The following ARHGAP44 variants were observed in gnomAD, a reference collection of about 807,000 sequenced individuals.
The protein encoded by ARHGAP44 is Rho GTPase activating protein 44.
In ARHGAP44, 43 loss-of-function variants were observed where a neutral mutation model predicts 106.8. That is an observed-to-expected ratio of 0.40 (90% confidence interval 0.32 to 0.52). The LOEUF (loss-of-function observed/expected upper bound fraction) is 0.52, where lower values mean the gene tolerates loss of function less well. ARHGAP44 is among the 20% of genes least tolerant of loss of function. The pLI is 0.48. For missense variants in ARHGAP44, 866 were observed against 1,050.5 expected, an observed-to-expected ratio of 0.82 and a Z score of 2.43; for synonymous variants, 439 against 410.3, an observed-to-expected ratio of 1.07 and a Z score of -0.85.
chr17:12,896,065 G>A (rs1446892908), intron 2 of ARHGAP44, among the ~76,000 whole-genome samples: 1 of 143,808 alleles, frequency 7.0e-6, no homozygotes. Context: ...AGAACACTTG[G>A]ACACAGGCTG....
intron 12 of ARHGAP44, among the ~76,000 whole-genome samples, chr17:12,950,857 A>G (rs907384581): frequency 6.6e-6 from 1 of 152,170 alleles, no homozygotes; most frequent in Non-Finnish European, 1.5e-5. Flanking sequence ...GTGTTTCTCA[A>G]CAACACCATG....
At position 12,822,498 on chromosome 17, in the gene ARHGAP44, T is replaced by C. The variant is rs1401379209; in HGVS notation, c.53+32607T>C. Among the ~76,000 whole-genome samples, 5 of 152,166 alleles carry C rather than the reference T, an allele frequency of 3.3e-5. No homozygotes were observed. In the East Asian group the frequency reaches 5.8e-4, roughly 18 times the overall value. ...AGCTCTGATACCTCAGGGAGTTCAA[T>C]GCCAAGAGGTCTATGAAGCATAAGT... is the stretch of plus-strand genomic sequence containing the variant. On this transcript the variant is annotated intron_variant, in intron 1 of 20. Transcript: ENST00000379672.
At chr17:12,956,527 C>A in intron 14 of ARHGAP44, 128 bp from the exon 15 acceptor site, 1 of 712,662 alleles carries the variant, frequency 1.4e-6, no homozygotes, top group Non-Finnish European at 2.4e-6. Context: ...AAAGTCTGCT[C>A]TCAAACCTCT....
intron 13 of ARHGAP44, among the ~76,000 whole-genome samples, chr17:12,954,851 A>G (rs80072374): frequency 0.11 from 16,252 of 152,190 alleles, 1,047 homozygotes; most frequent in Non-Finnish European, 0.14. Context: ...TTTTTATAAA[A>G]TAACTTTATT....
intron 1 of ARHGAP44, among the ~76,000 whole-genome samples, chr17:12,866,920 T>C (rs2036252916): frequency 1.3e-5 from 2 of 152,192 alleles, no homozygotes; most frequent in African/African-American, 4.8e-5. Flanking sequence ...CAGGAGTTTC[T>C]GCTTTTGACC....
chr17:12,945,962 C>T (rs991572554), intron 10 of ARHGAP44, among the ~76,000 whole-genome samples: 28 of 151,996 alleles, frequency 1.8e-4, no homozygotes, highest in African/African-American at 6.3e-4. Context: ...TTTCAGCATG[C>T]TGGCCAGGCT....
intron 16 of ARHGAP44, among the ~76,000 whole-genome samples, chr17:12,968,480 T>G (rs2039445082): frequency 6.6e-6 from 1 of 152,182 alleles, no homozygotes; most frequent in African/African-American, 2.4e-5. Flanking sequence ...ATGACCCTTC[T>G]GACTCCTGCC....
chr17:12,986,924 C>A, intron 20 of ARHGAP44: 2 of 603,922 alleles, frequency 3.3e-6, no homozygotes, highest in Non-Finnish European at 2.9e-6. Context: ...CTTTTGGCAG[C>A]AGACTGTTGT....
chr17:12,824,083 A>G (rs1010755456), intron 1 of ARHGAP44, among the ~76,000 whole-genome samples: 4 of 151,768 alleles, frequency 2.6e-5, no homozygotes, highest in Admixed American at 2.6e-4. Flanking sequence ...GCCACTCCTT[A>G]TTGGTCTCCA....
At position 12,991,611 on chromosome 17, in the gene ARHGAP44, G is replaced by GT. The variant is rs761540243; in HGVS notation, c.*1441dup. ...ATACATGTACAAATCGTTGTCAAAA[G>GT]TAACGTTATTAAAATAGATTTATTA... On this transcript the variant is annotated 3_prime_UTR_variant, in exon 21 of 21. Transcript: ENST00000379672. 31 of 183,096 alleles carry GT rather than the reference G, an allele frequency of 1.7e-4. No individual in the cohort carries two copies. The highest frequency in any genetic ancestry group is 3.5e-4 in the Non-Finnish European group (30 of 85,776). 11.3% of individuals were successfully genotyped at this position (183,096 alleles called of 1,614,324 possible). A position where few individuals can be genotyped will look rare whatever the true frequency, so the allele number is the denominator to read the frequency against.
At position 12,958,712 on chromosome 17, in the gene ARHGAP44, CG is replaced by C. The variant is rs1246497188; in HGVS notation, c.1343-4del. ...TCACATGTACCAATTCTTTCTTCCC[CG>C]CAGAGATAGAGTTCAACATTACTGG... On this transcript the variant is annotated splice_region_variant and splice_polypyrimidine_tract_variant and intron_variant, in intron 15 of 20. Transcript: ENST00000379672. This position sits in a 1 kb window ranked among gnomAD's most constrained non-coding sequence, Gnocchi z 4.1. 1.1e-5 allele frequency: 18 copies of C among 1,613,156 alleles called. No individual in the cohort carries two copies. Among genetic ancestry groups the C allele is most frequent in the Non-Finnish European group, 1.5e-5 (18 of 1,179,480 alleles).
At chr17:12,868,382 A>T (rs1401463651) in intron 1 of ARHGAP44, among the ~76,000 whole-genome samples, 1 of 151,944 alleles carries the variant, frequency 6.6e-6, no homozygotes, top group Non-Finnish European at 1.5e-5. Context: ...TGGGATTAGA[A>T]TTTAATATGA....
chr17:12,906,614 T>C (rs2037557735), intron 3 of ARHGAP44, among the ~76,000 whole-genome samples: 1 of 152,194 alleles, frequency 6.6e-6, no homozygotes, highest in Admixed American at 6.5e-5. Context: ...AGTATGATGA[T>C]GTTTATTATT....
At chr17:12,946,072 G>A (rs1271781994) in intron 10 of ARHGAP44, among the ~76,000 whole-genome samples, 1 of 152,120 alleles carries the variant, frequency 6.6e-6, no homozygotes, top group East Asian at 1.9e-4. Context: ...ATTTAAAACC[G>A]AAAAGGTCTC....
Position 12,991,243 on chromosome 17 carries a change from G to A in ARHGAP44, c.*1072G>A, listed in dbSNP as rs1352324734. The A allele has an allele frequency of 3.3e-5, 5 of 152,576 alleles. No homozygotes were observed. 9.5% of individuals were successfully genotyped at this position (152,576 alleles called of 1,614,324 possible). A position where few individuals can be genotyped will look rare whatever the true frequency, so the allele number is the denominator to read the frequency against. ...TCACACTTGGGGATTAGGGGAGTGA[G>A]AAAAGATTTGGGCCATGCATGCAAA... On this transcript the variant is annotated 3_prime_UTR_variant, in exon 21 of 21. Transcript: ENST00000379672.
At chr17:12,972,723 G>A (rs1472171122) in intron 16 of ARHGAP44, among the ~76,000 whole-genome samples, 1 of 150,320 alleles carries the variant, frequency 6.7e-6, no homozygotes, top group Non-Finnish European at 1.5e-5. Flanking sequence ...GTGCACCGTC[G>A]CAGTCTCGGC....
At chr17:12,937,222 C>G (rs1567696991) in intron 7 of ARHGAP44, among the ~76,000 whole-genome samples, 2 of 152,102 alleles carry the variant, frequency 1.3e-5, no homozygotes, top group African/African-American at 2.4e-5. Flanking sequence ...TTTTAAAAGC[C>G]CAATAGTTTA....
rs543385735 is a variant in ARHGAP44, at chr17:12,969,198, G to A, written c.1524-4104G>A. Among the ~76,000 whole-genome samples, 76 of 152,226 alleles carry A rather than the reference G, an allele frequency of 5.0e-4. 2 individuals are homozygous for A. The South Asian group carries it at 0.015, about 31-fold the overall frequency. ...ACATGGGCCAGATGGGGTCTTCCTA[G>A]CATCTCTATCATGCTGTGCCTGATG... On this transcript the variant is annotated intron_variant, in intron 16 of 20. Transcript: ENST00000379672.
chr17:12,887,413 T>C (rs1022404488), intron 1 of ARHGAP44, among the ~76,000 whole-genome samples: 2 of 151,924 alleles, frequency 1.3e-5, no homozygotes, highest in Non-Finnish European at 2.9e-5. Flanking sequence ...TCTCTCTCCT[T>C]TTGTTTTTGT....
Sources: allele counts gnomAD v4.1 joint callset (sites outside exome capture counted in the v4.1 genomes callset), GRCh38; gene constraint gnomAD v4.1.1; non-coding constraint Gnocchi (gnomAD v3.1); transcripts MANE v1.5; gene names NCBI Gene and HGNC (gene_info 2026-07-23, HGNC 2026-07-21).